Variants in CSMD3 observed in about 807,000 individuals in gnomAD.
CSMD3 encodes CUB and sushi domain-containing protein 3.
Under a neutral mutation model 435.2 loss-of-function variants are expected in CSMD3, and 177 were observed. The ratio of observed to expected loss-of-function variants is 0.41; its 90% CI spans 0.36 to 0.46. CSMD3 has a LOEUF of 0.46. CSMD3 is among the 20% of genes least tolerant of loss of function. CSMD3 has a pLI of 0.34. For synonymous variants in CSMD3, 1,656 were observed against 1,520.5 expected, an observed-to-expected ratio of 1.09 and a Z score of -2.07; for missense variants, 4,265 against 4,504.6, an observed-to-expected ratio of 0.95 and a Z score of 1.52.
At chr8:112,858,426 G>A (rs557455397) in intron 11 of CSMD3, among the ~76,000 whole-genome samples, 1 of 151,730 alleles carries the variant, frequency 6.6e-6, no homozygotes, top group Admixed American at 6.6e-5. Flanking sequence ...GCCCAAAGAA[G>A]TTATCACATA....
At chr8:113,321,036 C>T (rs947197899) in intron 1 of CSMD3, among the ~76,000 whole-genome samples, 1 of 151,974 alleles carries the variant, frequency 6.6e-6, no homozygotes, top group Non-Finnish European at 1.5e-5. Flanking sequence ...ATTCTAAACC[C>T]TGTGGATTTG....
At chr8:113,067,115 T>A (rs2131387268) in intron 5 of CSMD3, among the ~76,000 whole-genome samples, 1 of 152,248 alleles carries the variant, frequency 6.6e-6, no homozygotes, top group Non-Finnish European at 1.5e-5. Context: ...TCTGAAAATT[T>A]CCTTGGGAAA....
chr8:113,411,112 G>A (rs559485778), intron 1 of CSMD3, among the ~76,000 whole-genome samples: 52 of 152,128 alleles, frequency 3.4e-4, no homozygotes, highest in Non-Finnish European at 6.5e-4. Context: ...ATGCTGTGAA[G>A]GGGAAAGAAA....
In CSMD3 at chr8:112,228,728, T is replaced by C. The variant is rs201988258; in HGVS notation, c.10964+28A>G. ...ACATGAAAAACAGATTTGGGAAACATTTTGTAGTTAAAAATCAATGAGCTT... is the reference window on the plus strand; with the variant it reads ...ACATGAAAAACAGATTTGGGAAACACTTTGTAGTTAAAAATCAATGAGCTT... On this transcript the variant is annotated intron_variant, in intron 70 of 70. Transcript: ENST00000297405. 2.7e-4 allele frequency: 434 copies of C among 1,587,646 alleles called. 1 individual carries two copies. Among genetic ancestry groups the C allele is most frequent in the Non-Finnish European group, 3.6e-4 (422 of 1,157,728 alleles).
intron 49 of CSMD3, among the ~76,000 whole-genome samples, chr8:112,312,317 C>T (rs928320004): frequency 3.3e-5 from 5 of 152,048 alleles, no homozygotes; most frequent in African/African-American, 1.2e-4. Context: ...TCCAATGGCG[C>T]TACCTTGGCT....
chr8:112,761,969 T>C (rs1054628840), intron 13 of CSMD3, among the ~76,000 whole-genome samples: 3 of 152,066 alleles, frequency 2.0e-5, no homozygotes, highest in African/African-American at 7.2e-5. Flanking sequence ...AGTATATTTA[T>C]AAGATTTTCA....
chr8:113,080,103 G>A (rs2089496657), intron 5 of CSMD3, among the ~76,000 whole-genome samples: 1 of 151,996 alleles, frequency 6.6e-6, no homozygotes, highest in South Asian at 2.1e-4. Context: ...TTTTTATTTA[G>A]CCGTTAACAT....
At chr8:113,122,547 C>T (rs1386256816) in intron 4 of CSMD3, among the ~76,000 whole-genome samples, 1 of 151,956 alleles carries the variant, frequency 6.6e-6, no homozygotes, top group Non-Finnish European at 1.5e-5. Flanking sequence ...TTTCAGCAGG[C>T]CCAATCTAAT....
chr8:112,726,844 C>A (rs2076976164), intron 13 of CSMD3, among the ~76,000 whole-genome samples: 1 of 151,820 alleles, frequency 6.6e-6, no homozygotes, highest in Non-Finnish European at 1.5e-5. Flanking sequence ...AGATTTAATG[C>A]TTGATCAATA....
At chr8:113,286,112 C>T (rs544251084) in intron 2 of CSMD3, among the ~76,000 whole-genome samples, 1 of 151,998 alleles carries the variant, frequency 6.6e-6, no homozygotes, top group Non-Finnish European at 1.5e-5. Context: ...ACACCTCCAA[C>T]CCCATCTTAG....
At chr8:112,871,322 T>G (rs2081128948) in intron 10 of CSMD3, among the ~76,000 whole-genome samples, 1 of 152,166 alleles carries the variant, frequency 6.6e-6, no homozygotes, top group African/African-American at 2.4e-5. Flanking sequence ...AAATAAGTAT[T>G]TCCAAAGTTT....
chr8:112,891,597 C>T (rs1201951562), intron 10 of CSMD3, among the ~76,000 whole-genome samples: 2 of 151,236 alleles, frequency 1.3e-5, no homozygotes, highest in East Asian at 3.9e-4. Context: ...ATGGTTCTGC[C>T]CTCTTTCCTC....
At chr8:112,261,853 G>A (rs1399124898) in intron 61 of CSMD3, among the ~76,000 whole-genome samples, 1 of 151,668 alleles carries the variant, frequency 6.6e-6, no homozygotes, top group Non-Finnish European at 1.5e-5. Context: ...TCTCCTGAGA[G>A]GAAATAGCTG....
chr8:112,386,745 C>A (rs1830005761), intron 36 of CSMD3, among the ~76,000 whole-genome samples: 1 of 151,374 alleles, frequency 6.6e-6, no homozygotes. Context: ...GATCCGCCCG[C>A]CTCGGCCCCC....
chr8:112,973,914 A>G (rs1164297451), intron 7 of CSMD3, among the ~76,000 whole-genome samples: 3 of 151,906 alleles, frequency 2.0e-5, no homozygotes, highest in African/African-American at 4.8e-5. Flanking sequence ...TGATGAATAC[A>G]TTAAAAATGT....
Position 112,650,310 on chromosome 8 carries a change from A to G in CSMD3, c.3044T>C (p.Ile1015Thr). The G allele has an allele frequency of 6.2e-7, 1 of 1,613,980 alleles. No individual in the cohort carries two copies. The highest frequency in any genetic ancestry group is 1.1e-5 in the South Asian group (1 of 91,078). ...VNTYSCLDPG[I>T]PVHGRRYGHD... ...ACCATAGCGACGGCCATGTACAGGT[A>G]TGCCAGGGTCCAAACAAGAATACGT... is the stretch of plus-strand genomic sequence containing the variant. The change falls in exon 19 of 71, where the codon ATA becomes ACA. Residue 1015 changes from isoleucine to threonine, a missense_variant. Ile to Thr is a moderately conservative substitution (Grantham distance 89). Coordinates refer to ENST00000297405, the MANE Select transcript of CSMD3 (RefSeq NM_198123.2).
chr8:113,282,564 C>T (rs1341080029), intron 2 of CSMD3, among the ~76,000 whole-genome samples: 1 of 151,888 alleles, frequency 6.6e-6, no homozygotes, highest in Non-Finnish European at 1.5e-5. Flanking sequence ...AACTATAAAA[C>T]ACTGCTGAAA....
chr8:112,503,237 C>A, intron 30 of CSMD3, among the ~76,000 whole-genome samples: 1 of 151,982 alleles, frequency 6.6e-6, no homozygotes, highest in East Asian at 1.9e-4. Flanking sequence ...GTATGACACC[C>A]CTCTTGACTA....
In CSMD3 at chr8:112,287,245, A is replaced by G. The variant is rs1819297826; in HGVS notation, c.9150T>C (p.Gly3050=). 3 of 1,613,532 alleles carry G rather than the reference A, an allele frequency of 1.9e-6. No homozygotes were observed. The highest frequency in any genetic ancestry group is 2.5e-6 in the Non-Finnish European group (3 of 1,179,652). Residue 3050 remains glycine (G), a splice_region_variant and synonymous_variant, in exon 58 of 71, where the codon GGT becomes GGC. Transcript: ENST00000297405. ...HWSGSQPHCS[G]DATGTCGDPG... The stretch of plus-strand genomic sequence containing the variant: ...GATCGCCACATGTCCCAGTAGCATC[A>G]CCTGCAATGCAGTACAGTTCAAGTT...
Sources: gnomAD v4.1 joint callset for allele counts (sites outside exome capture counted in the v4.1 genomes callset) on GRCh38, gnomAD v4.1.1 for gene constraint, MANE v1.5 for transcripts, NCBI Gene and HGNC (gene_info 2026-07-23, HGNC 2026-07-21) for gene names.